EPS8L1: variants seen among roughly 807,000 people sequenced by gnomAD.
EPS8L1 encodes the protein epidermal growth factor receptor kinase substrate 8-like protein 1.
In EPS8L1, 101 loss-of-function variants were observed where a neutral mutation model predicts 91.7. The observed-to-expected ratio is 1.10, with a 90% CI of 0.94 to 1.30. EPS8L1 has a LOEUF of 1.30. Among genes scored for constraint, EPS8L1 ranks in the 50% most tolerant of loss-of-function variants. The probability of loss-of-function intolerance (pLI) is 0.00; values close to 1 mark genes in which losing one functional copy is unlikely to be tolerated. For missense variants in EPS8L1, 1,114 were observed against 1,017.0 expected, an observed-to-expected ratio of 1.10 and a Z score of -1.30; for synonymous variants, 506 against 445.3, an observed-to-expected ratio of 1.14 and a Z score of -1.72.
intron 17 of EPS8L1, 72 bp from the exon 18 acceptor site, chr19:55,086,642 C>CCCCCCCCCCCCCG: frequency 7.1e-7 from 1 of 1,410,056 alleles, no homozygotes; most frequent in Non-Finnish European, 9.7e-7. Context: ...AGCGCCCCCC[C>CCCCCCCCCCCCCG]GCCCCGCCCT....
chr19:55,082,580 G>A lies in EPS8L1; in HGVS notation c.1192G>A (p.Gly398Arg). The A allele has an allele frequency of 6.4e-7, 1 of 1,571,212 alleles. No individual in the cohort carries two copies. The change falls in exon 12 of 20, where the codon GGG becomes AGG. Residue 398 changes from glycine to arginine, a missense_variant. Transcript: ENST00000201647. ...TGAAAACGAGCTCTGGACCTCGCTGGGGGACTCGTGGACCCGCCCCGGGTG... is the reference window on the plus strand; with the variant it reads ...TGAAAACGAGCTCTGGACCTCGCTGAGGGACTCGTGGACCCGCCCCGGGTG... ...PRENELWTSLGDSWTRPGLEL... is the reference protein window; with the variant it reads ...PRENELWTSLRDSWTRPGLEL...
chr19:55,080,628 C>T (rs2076235907), intron 6 of EPS8L1, 144 bp from the exon 7 acceptor site: 1 of 1,564,180 alleles, frequency 6.4e-7, no homozygotes, highest in African/African-American at 1.4e-5. Flanking sequence ...GGGGTGAGTT[C>T]GGGGCGTGGA....
intron 18 of EPS8L1, 189 bp from the exon 19 acceptor site, chr19:55,087,114 C>T (rs1468364469): frequency 2.7e-6 from 3 of 1,093,526 alleles, no homozygotes; most frequent in Non-Finnish European, 3.8e-6. Flanking sequence ...CCTTTGAAAG[C>T]AGGATGCGGC....
chr19:55,080,415 TG>T, intron 6 of EPS8L1, 137 bp downstream of exon 6: 1 of 1,591,664 alleles, frequency 6.3e-7, no homozygotes, highest in Non-Finnish European at 8.5e-7. Context: ...GCAGGGGACC[TG>T]GGAAGGAAGT....
At position 55,079,865 on chromosome 19, in the gene EPS8L1, C is replaced by T. The variant is rs367696708; in HGVS notation, c.279+14C>T. ...CCGGCCTCCAAGGTGCCGGGGGGCA[C>T]GTGGGTGGGAGGAGTGTCTGGGGCA... On this transcript the variant is annotated intron_variant, in intron 5 of 19. Coordinates refer to ENST00000201647, the MANE Select transcript of EPS8L1 (RefSeq NM_133180.3). 6.2e-7 allele frequency: 1 copy of T among 1,603,858 alleles called. No individual in the cohort carries two copies. Among genetic ancestry groups the T allele is most frequent in the Non-Finnish European group, 8.5e-7 (1 of 1,175,222 alleles).
In EPS8L1 at chr19:55,086,978, C is replaced by A. The variant is rs560562839; in HGVS notation, c.1952+90C>A. On this transcript the variant is annotated intron_variant, in intron 18 of 19. Transcript: ENST00000201647. Reference sequence around the variant, plus strand: ...CGGCCGGGAGTCGGGGGGCGGCAGTCGTGGAGACCACAGGGAGCCGGGATT... The same window carrying A: ...CGGCCGGGAGTCGGGGGGCGGCAGTAGTGGAGACCACAGGGAGCCGGGATT... The A allele has an allele frequency of 1.8e-3, 2,460 of 1,382,640 alleles. 5 individuals carry two copies. The highest frequency in any genetic ancestry group is 2.2e-3 in the Non-Finnish European group (2,313 of 1,070,004). The allele number at this position is 1,382,640 out of a possible 1,614,324, so 85.6% of individuals were successfully genotyped here. A position where few individuals can be genotyped will look rare whatever the true frequency, so the allele number is the denominator to read the frequency against.
chr19:55,081,468 G>A lies in EPS8L1; in HGVS notation c.750G>A (p.Ala250=), dbSNP rs372017471. The part of the protein sequence containing the change: ...PDLGPRGPDL[A]VLQAEREVDI... Reference sequence around the variant, plus strand: ...TGGGTCCCCGGGGTCCTGACCTGGCGGTTCTGCAGGCGGAGCGGGAAGTGG... The same window carrying A: ...TGGGTCCCCGGGGTCCTGACCTGGCAGTTCTGCAGGCGGAGCGGGAAGTGG... The change falls in exon 8 of 20, where the codon GCG becomes GCA. Residue 250 remains alanine, a synonymous_variant. Coordinates refer to ENST00000201647, the MANE Select transcript of EPS8L1 (RefSeq NM_133180.3). This position sits in a 1 kb window ranked among gnomAD's most constrained non-coding sequence, Gnocchi z 4.9. 6.3e-6 allele frequency: 10 copies of A among 1,592,430 alleles called. No individual in the cohort carries two copies. The highest frequency in any genetic ancestry group is 5.4e-5 in the African/African-American group (4 of 74,138).
In EPS8L1 at chr19:55,085,879, A is replaced by T. The variant is rs149098740; in HGVS notation, c.1424A>T (p.Glu475Val). The T allele has an allele frequency of 5.0e-5, 80 of 1,613,132 alleles. No individual in the cohort carries two copies. In the African/African-American group the frequency reaches 9.8e-4, roughly 20 times the overall value. ...DLEPESEPQLESETAGKWVLC... is the reference protein window; with the variant it reads ...DLEPESEPQLVSETAGKWVLC... ...GAGCCAGAATCTGAGCCTCAGCTGG[A>T]GTCAGAGACAGCAGGAAAATGGGTC... Residue 475 changes from glutamate (E) to valine (V), a missense_variant, in exon 15 of 20, where the codon GAG (glutamate) becomes GTG (valine). By Grantham distance (121) the Glu-to-Val change is moderately radical. Coordinates refer to ENST00000201647, the MANE Select transcript of EPS8L1 (RefSeq NM_133180.3).
intron 14 of EPS8L1, among the ~76,000 whole-genome samples, chr19:55,085,457 G>A (rs977075075): frequency 5.3e-5 from 8 of 152,126 alleles, no homozygotes; most frequent in East Asian, 1.9e-4. Context: ...GAGCCACCGC[G>A]CCCGGCCTAG....
In EPS8L1 at chr19:55,082,169, T is replaced by G; in HGVS notation, c.979T>G (p.Phe327Val). 6.3e-7 allele frequency: 1 copy of G among 1,599,572 alleles called. No individual in the cohort carries two copies. The highest frequency in any genetic ancestry group is 1.1e-5 in the South Asian group (1 of 89,360). Reference sequence around the variant, plus strand: ...CGTGCTGCAGAAGATCAAGTACGCCTTCAGCCTGCTGGTGAGGACGCGCCC... The same window carrying G: ...CGTGCTGCAGAAGATCAAGTACGCCGTCAGCCTGCTGGTGAGGACGCGCCC... ...TDVLQKIKYAFSLLARLRGNI... is the reference protein window; with the variant it reads ...TDVLQKIKYAVSLLARLRGNI... The change falls in exon 10 of 20, where the codon TTC becomes GTC. Residue 327 changes from phenylalanine to valine, a missense_variant. Phe to Val is a conservative substitution (Grantham distance 50). Coordinates refer to ENST00000201647, the MANE Select transcript of EPS8L1 (RefSeq NM_133180.3).
intron 2 of EPS8L1, among the ~76,000 whole-genome samples, chr19:55,077,245 A>G (rs2076149357): frequency 1.3e-5 from 2 of 152,204 alleles, no homozygotes; most frequent in Admixed American, 1.3e-4. Flanking sequence ...GGGGAAGCAG[A>G]TAATTCCCTG....
chr19:55,079,120 G>T, intron 4 of EPS8L1, 63 bp downstream of exon 4: 1 of 1,570,516 alleles, frequency 6.4e-7, no homozygotes, highest in Non-Finnish European at 8.8e-7. Flanking sequence ...TCAGGAGATA[G>T]GGCTTTTGAA....
rs909566211 is a variant in EPS8L1, at chr19:55,083,121, C to G, written c.1215-257C>G. 6.6e-6 allele frequency among the ~76,000 whole-genome samples: 1 copy of G among 152,174 alleles called. No individual in the cohort carries two copies. Among genetic ancestry groups the G allele is most frequent in the African/African-American group, 2.4e-5 (1 of 41,436 alleles). On this transcript the variant is annotated intron_variant, in intron 12 of 19. Transcript: ENST00000201647. The surrounding 1 kb of genome is among the most constrained non-coding windows in gnomAD (Gnocchi z 4.7). ...ATTTTGCCCAGGCTGGTCTGGAACT[C>G]CTGGCCTCAAGCGATCCTCCCATCT...
Position 55,076,116 on chromosome 19 carries a change from G to A in EPS8L1, c.-38+197G>A, listed in dbSNP as rs1368622906. On this transcript the variant is annotated intron_variant, in intron 1 of 19. Transcript: ENST00000201647. ...GAGGGGCTGAGGGCCTGGACTCCTG[G>A]GTCTGAGGGAGGAGGAGATGGGGCC... is the stretch of plus-strand genomic sequence containing the variant. 1.7e-3 allele frequency among the ~76,000 whole-genome samples: 244 copies of A among 139,640 alleles called. 1 individual carries two copies. Among genetic ancestry groups the A allele is most frequent in the Non-Finnish European group, 2.4e-3 (150 of 62,332 alleles). 91.6% of individuals were successfully genotyped at this position (139,640 alleles called of 152,430 possible).
At chr19:55,080,396 C>A (rs1198132979) in intron 6 of EPS8L1, 118 bp downstream of exon 6, 1 of 1,566,808 alleles carries the variant, frequency 6.4e-7, no homozygotes, top group East Asian at 2.4e-5. Context: ...GGGATCAGAG[C>A]AAGGAAGGGC....
At chr19:55,076,287 C>A in intron 1 of EPS8L1, 121 bp from the exon 2 acceptor site, 1 of 819,582 alleles carries the variant, frequency 1.2e-6, no homozygotes, top group Non-Finnish European at 1.9e-6. Context: ...GGCTGGGGGC[C>A]TGGACTCCTG....
At chr19:55,080,528 G>A (rs971421560) in intron 6 of EPS8L1, 1 of 1,613,324 alleles carries the variant, frequency 6.2e-7, no homozygotes, top group Non-Finnish European at 8.5e-7. Flanking sequence ...ATCTGGGGGA[G>A]CAGCCAGGAC....
chr19:55,081,602 T>G lies in EPS8L1; in HGVS notation c.774+110T>G, dbSNP rs367877897. 3,878 of 707,792 alleles carry G rather than the reference T, an allele frequency of 5.5e-3. 12 individuals carry two copies. Among genetic ancestry groups the G allele is most frequent in the Middle Eastern group, 0.026 (44 of 1,704 alleles). 43.8% of individuals were successfully genotyped at this position (707,792 alleles called of 1,614,324 possible). On this transcript the variant is annotated intron_variant, in intron 8 of 19. Coordinates refer to ENST00000201647, the MANE Select transcript of EPS8L1 (RefSeq NM_133180.3). The surrounding 1 kb of genome is among the most constrained non-coding windows in gnomAD (Gnocchi z 4.9). ...GACGGGCGTTCTCTGGTCAGACTTC[T>G]GCGTTATGGAAGAGGGGCTGGGTCG...
chr19:55,080,444 T>C (rs1786254585), intron 6 of EPS8L1, 166 bp downstream of exon 6: 1 of 1,609,266 alleles, frequency 6.2e-7, no homozygotes, highest in East Asian at 2.2e-5. Flanking sequence ...GGCAGTGGGG[T>C]TTGAGATTGG....
Sources: allele counts gnomAD v4.1 joint callset (sites outside exome capture counted in the v4.1 genomes callset), GRCh38; gene constraint gnomAD v4.1.1; non-coding constraint Gnocchi (gnomAD v3.1); transcripts MANE v1.5; gene names NCBI Gene and HGNC (gene_info 2026-07-23, HGNC 2026-07-21).